ZNF730: variants seen among roughly 807,000 people sequenced by gnomAD.
ZNF730 encodes the protein zinc finger protein 730.
ZNF730 carries 12 observed loss-of-function variants against 12.6 expected under a neutral mutation model. That is an observed-to-expected ratio of 0.95 (90% CI 0.61 to 1.54). The LOEUF is 1.54. Among genes scored for constraint, ZNF730 ranks in the 40% most tolerant of loss-of-function variants. The pLI is 0.00. For synonymous variants in ZNF730, 194 were observed against 195.8 expected, an observed-to-expected ratio of 0.99 and a Z score of 0.08; for missense variants, 643 against 583.5, an observed-to-expected ratio of 1.10 and a Z score of -1.05.
chr19:23,081,295 C>T (rs1290858811), intron 1 of ZNF730, among the ~76,000 whole-genome samples: 2 of 151,796 alleles, frequency 1.3e-5, no homozygotes, highest in African/African-American at 4.8e-5. Context: ...CAGGCATTTG[C>T]CACCACTCCC....
intron 1 of ZNF730, among the ~76,000 whole-genome samples, chr19:23,129,892 G>A (rs1032015957): frequency 2.4e-4 from 36 of 151,784 alleles, no homozygotes; most frequent in Non-Finnish European, 3.8e-4. Flanking sequence ...TACTCAGGAG[G>A]CTGCGGCAGG....
chr19:23,124,789 A>C (rs1970641516), intron 1 of ZNF730, among the ~76,000 whole-genome samples: 1 of 152,354 alleles, frequency 6.6e-6, no homozygotes, highest in Middle Eastern at 3.4e-3. Context: ...ACTAAAACAG[A>C]TAAACTGATT....
intron 1 of ZNF730, among the ~76,000 whole-genome samples, chr19:23,092,674 C>T (rs773470555): frequency 9.9e-5 from 15 of 152,094 alleles, no homozygotes; most frequent in Non-Finnish European, 1.8e-4. Context: ...CCGCCCACCT[C>T]GGCCTCCCAA....
upstream of ZNF730, among the ~76,000 whole-genome samples, chr19:23,116,366 CTTTT>C (rs1210529047): frequency 6.8e-5 from 10 of 147,064 alleles, no homozygotes; most frequent in African/African-American, 2.1e-4. Flanking sequence ...TTCTTTCTCT[CTTTT>C]CTTTCTTTCT....
chr19:23,091,000 CAAAAAAA>C (rs145906466), intron 1 of ZNF730, among the ~76,000 whole-genome samples: 1 of 125,604 alleles, frequency 8.0e-6, no homozygotes, highest in African/African-American at 3.0e-5. Context: ...GACTTCGTCT[CAAAAAAA>C]AAAAAAAGAA....
At chr19:23,114,305 C>CTTTTTTTTTT (rs869304180), upstream of ZNF730, among the ~76,000 whole-genome samples, 198 of 103,514 alleles carry the variant, frequency 1.9e-3, 1 homozygote, top group East Asian at 4.6e-3. Context: ...TTTTTCTTTT[C>CTTTTTTTTTT]TTTTTTTTTT....
chr19:23,146,282 C>T lies in ZNF730; in HGVS notation c.1238C>T (p.Thr413Ile), dbSNP rs1971008836. Residue 413 changes from threonine (T) to isoleucine (I), a missense_variant, in exon 4 of 4, where the codon ACA (threonine) becomes ATA (isoleucine). Transcript: ENST00000597761. ...TTTAGCCGTATCTCACACCTTACTA[C>T]ACATAAGAGAATTCATACTGGAGAG... Reference protein sequence around the residue: ...KAFSRISHLTTHKRIHTGEKP... With the variant: ...KAFSRISHLTIHKRIHTGEKP... The T allele has an allele frequency of 2.5e-6, 4 of 1,612,246 alleles. No homozygotes were observed. Among genetic ancestry groups the T allele is most frequent in the African/African-American group, 2.7e-5 (2 of 74,446 alleles).
At chr19:23,113,552 A>G (rs1970480290), upstream of ZNF730, among the ~76,000 whole-genome samples, 1 of 152,194 alleles carries the variant, frequency 6.6e-6, no homozygotes, top group African/African-American at 2.4e-5. Flanking sequence ...AATTTTTTGA[A>G]CAAAATTATT....
intron 1 of ZNF730, among the ~76,000 whole-genome samples, chr19:23,108,692 A>G (rs370728132): frequency 6.6e-6 from 1 of 152,202 alleles, no homozygotes; most frequent in Non-Finnish European, 1.5e-5. Flanking sequence ...ATCCTTTGAC[A>G]TATTTGACAG....
chr19:23,111,742 C>T (rs985397532), intron 1 of ZNF730, among the ~76,000 whole-genome samples: 9 of 149,718 alleles, frequency 6.0e-5, no homozygotes, highest in African/African-American at 1.7e-4. Flanking sequence ...AACAAGACTC[C>T]GTCTCAAAAA....
At chr19:23,127,792 T>A in intron 1 of ZNF730, 2 of 744,884 alleles carry the variant, frequency 2.7e-6, no homozygotes. Flanking sequence ...AGGTCTTCCA[T>A]CCTGGCTGCT....
chr19:23,139,048 TGACATGTTATG>T, intron 3 of ZNF730, among the ~76,000 whole-genome samples: 1 of 152,186 alleles, frequency 6.6e-6, no homozygotes, highest in African/African-American at 2.4e-5. Flanking sequence ...ATACTAGAAT[TGACATGTTATG>T]TCTGAAGTAA....
At chr19:23,112,139 C>T (rs923550184), upstream of ZNF730, among the ~76,000 whole-genome samples, 10 of 152,178 alleles carry the variant, frequency 6.6e-5, 1 homozygote, top group Admixed American at 5.9e-4. Context: ...AATCTCACAA[C>T]TTAGAAGGGC....
At chr19:23,124,088 G>A (rs1234220420) in intron 1 of ZNF730, 1 of 152,190 alleles carries the variant, frequency 6.6e-6, no homozygotes, top group African/African-American at 2.4e-5. Context: ...TCCACTCTCT[G>A]ATGTGACACT....
At chr19:23,109,470 G>A (rs1443741174) in intron 1 of ZNF730, among the ~76,000 whole-genome samples, 2 of 151,068 alleles carry the variant, frequency 1.3e-5, no homozygotes, top group African/African-American at 2.4e-5. Flanking sequence ...GTGCAGTTGT[G>A]AGATGTCGAC....
At chr19:23,084,017 T>A (rs1209900146) in intron 1 of ZNF730, among the ~76,000 whole-genome samples, 2 of 152,178 alleles carry the variant, frequency 1.3e-5, no homozygotes, top group Non-Finnish European at 2.9e-5. Flanking sequence ...TAAAACATTT[T>A]TTCTATGTTT....
At chr19:23,077,915 G>A (rs1229053515) in intron 1 of ZNF730, among the ~76,000 whole-genome samples, 1 of 152,134 alleles carries the variant, frequency 6.6e-6, no homozygotes. Context: ...TTAACTCAAG[G>A]TTTAATGGAT....
intron 1 of ZNF730, among the ~76,000 whole-genome samples, chr19:23,081,589 G>A (rs1437668352): frequency 1.3e-5 from 2 of 152,100 alleles, no homozygotes; most frequent in East Asian, 3.9e-4. Context: ...CAAAGTGCTG[G>A]GACTACAGGT....
rs1025770466 is a variant in ZNF730, at chr19:23,146,118, T to C, written c.1074T>C (p.His358=). Residue 358 remains histidine, a synonymous_variant, in exon 4 of 4, where the codon CAT becomes CAC. Coordinates refer to ENST00000597761, the MANE Select transcript of ZNF730 (RefSeq NM_001277403.2). ...ACCGATCCTCAACCCTTAATAGACATAAGATAACTCATACTGGAGGGAAAC... is the reference window on the plus strand; with the variant it reads ...ACCGATCCTCAACCCTTAATAGACACAAGATAACTCATACTGGAGGGAAAC... The part of the protein sequence containing the change: ...AFNRSSTLNR[H]KITHTGGKPY... 8.7e-6 allele frequency: 14 copies of C among 1,609,686 alleles called. No homozygotes were observed. The Admixed American group carries it at 1.7e-4, about 19-fold the overall frequency.
Sources: gnomAD v4.1 joint callset for allele counts (sites outside exome capture counted in the v4.1 genomes callset) on GRCh38, gnomAD v4.1.1 for gene constraint, MANE v1.5 for transcripts, NCBI Gene and HGNC (gene_info 2026-07-23, HGNC 2026-07-21) for gene names.